Variants in FANCC observed in about 807,000 individuals in gnomAD.
FANCC encodes Fanconi anemia group C protein.
FANCC carries 55 observed loss-of-function variants against 71.3 expected under a neutral mutation model. The observed-to-expected ratio is 0.77, with a 90% confidence interval of 0.62 to 0.97. The LOEUF is 0.97. Ranked by LOEUF, FANCC falls within the 50% of genes least tolerant of loss-of-function variation. FANCC has a pLI of 0.00. For synonymous variants in FANCC, 275 were observed against 244.9 expected, an observed-to-expected ratio of 1.12 and a Z score of -1.15; for missense variants, 678 against 670.9, an observed-to-expected ratio of 1.01 and a Z score of -0.12.
chr9:95,166,598 T>G, intron 6 of FANCC, among the ~76,000 whole-genome samples: 1 of 152,330 alleles, frequency 6.6e-6, no homozygotes, highest in East Asian at 1.9e-4. Context: ...TTTTAAGTTC[T>G]ATACCAGAAT....
intron 4 of FANCC, among the ~76,000 whole-genome samples, chr9:95,204,467 C>G (rs1045958606): frequency 6.6e-6 from 1 of 152,190 alleles, no homozygotes; most frequent in South Asian, 2.1e-4. Context: ...CAACATGAGT[C>G]TGAAATGAGG....
At chr9:95,154,043 C>T (rs760794304) in intron 6 of FANCC, among the ~76,000 whole-genome samples, 33 of 151,918 alleles carry the variant, frequency 2.2e-4, no homozygotes, top group South Asian at 8.3e-4. Flanking sequence ...GTCAGGAGTA[C>T]GAGACCAGCC....
At chr9:95,191,520 C>T (rs1269010357) in intron 4 of FANCC, among the ~76,000 whole-genome samples, 1 of 151,770 alleles carries the variant, frequency 6.6e-6, no homozygotes, top group Non-Finnish European at 1.5e-5. Flanking sequence ...GGTGACCACA[C>T]CTTCCAAAAT....
rs4647513 is a variant in FANCC, at chr9:95,126,426, T to G, written c.896+103A>C. 2.8e-3 allele frequency: 3,206 copies of G among 1,147,150 alleles called. 65 individuals are homozygous for G. In the African/African-American group the frequency reaches 0.043, roughly 15 times the overall value. The allele number at this position is 1,147,150 out of a possible 1,614,324, so 71.1% of individuals were successfully genotyped here. The stretch of plus-strand genomic sequence containing the variant: ...ACAGGAGGGAATCAGAAACTCTAAT[T>G]TCCCCATGATACAGCCAGAGACTAC... On this transcript the variant is annotated intron_variant, in intron 9 of 14. Transcript: ENST00000289081.
chr9:95,160,452 C>T (rs1830678274), intron 6 of FANCC, among the ~76,000 whole-genome samples: 1 of 152,156 alleles, frequency 6.6e-6, no homozygotes, highest in African/African-American at 2.4e-5. Flanking sequence ...AGTTTGAAGT[C>T]AGGTAGCATG....
intron 4 of FANCC, among the ~76,000 whole-genome samples, chr9:95,202,333 G>C (rs1421490877): frequency 6.6e-6 from 1 of 152,170 alleles, no homozygotes; most frequent in Non-Finnish European, 1.5e-5. Context: ...AGCTTTTCTA[G>C]CACAGGTTAG....
At chr9:95,176,020 G>A (rs1025807200) in intron 4 of FANCC, among the ~76,000 whole-genome samples, 11 of 152,204 alleles carry the variant, frequency 7.2e-5, no homozygotes, top group African/African-American at 2.7e-4. Flanking sequence ...TCAGAAACCA[G>A]ACTTTTGCAT....
intron 1 of FANCC, among the ~76,000 whole-genome samples, chr9:95,287,430 A>G (rs906332180): frequency 3.3e-5 from 5 of 152,102 alleles, no homozygotes; most frequent in Non-Finnish European, 7.4e-5. Flanking sequence ...TCTCTATCCA[A>G]CATCATCCAT....
chr9:95,195,196 C>CAAAAAAAA (rs34771312), intron 4 of FANCC, among the ~76,000 whole-genome samples: 1 of 42,618 alleles, frequency 2.3e-5, no homozygotes. Context: ...GACTCCGTCT[C>CAAAAAAAA]AAAAAAAAAA....
At chr9:95,247,043 G>A (rs1357803013) in intron 3 of FANCC, among the ~76,000 whole-genome samples, 4 of 150,774 alleles carry the variant, frequency 2.7e-5, no homozygotes, top group Non-Finnish European at 4.4e-5. Flanking sequence ...TTATGAAACC[G>A]TGAAACAAAA....
chr9:95,160,790 AT>A (rs764369300), intron 6 of FANCC, among the ~76,000 whole-genome samples: 16 of 152,240 alleles, frequency 1.1e-4, no homozygotes, highest in South Asian at 2.1e-4. Flanking sequence ...CTTTGTAGCA[AT>A]TGTGAGTGGG....
At chr9:95,306,210 C>T (rs570499717) in intron 1 of FANCC, among the ~76,000 whole-genome samples, 1 of 152,270 alleles carries the variant, frequency 6.6e-6, no homozygotes, top group Admixed American at 6.5e-5. Context: ...AAGAACAGGA[C>T]AAAAACTTCC....
At chr9:95,301,893 C>CG (rs1427562697) in intron 1 of FANCC, among the ~76,000 whole-genome samples, 1 of 144,152 alleles carries the variant, frequency 6.9e-6, no homozygotes, top group Non-Finnish European at 1.5e-5. Flanking sequence ...CTGGCTAACA[C>CG]GGTGAAACCC....
chr9:95,231,438 G>A (rs896986434), intron 4 of FANCC, among the ~76,000 whole-genome samples: 4 of 149,706 alleles, frequency 2.7e-5, no homozygotes, highest in Admixed American at 6.7e-5. Context: ...GCAGGGAGGC[G>A]CCTGGCCCCT....
At chr9:95,312,067 T>C (rs943620939) in intron 1 of FANCC, among the ~76,000 whole-genome samples, 2 of 152,184 alleles carry the variant, frequency 1.3e-5, no homozygotes, top group African/African-American at 2.4e-5. Flanking sequence ...CTGACCCCAC[T>C]TTCCATGATA....
intron 4 of FANCC, among the ~76,000 whole-genome samples, chr9:95,176,405 TCTC>T (rs1588228841): frequency 6.6e-6 from 1 of 152,158 alleles, no homozygotes; most frequent in Non-Finnish European, 1.5e-5. Context: ...AGGCTTGACT[TCTC>T]CTTACAAGCC....
chr9:95,123,784 T>C, intron 10 of FANCC: 1 of 699,512 alleles, frequency 1.4e-6, no homozygotes, highest in Non-Finnish European at 2.7e-6. Context: ...GGAATCGATC[T>C]TGTGAAGCCC....
chr9:95,117,262 A>G (rs2072495144), intron 11 of FANCC, 53 bp downstream of exon 11: 1 of 1,519,142 alleles, frequency 6.6e-7, no homozygotes. Flanking sequence ...ATAATTTGAC[A>G]ATGCTCTTCC....
intron 4 of FANCC, among the ~76,000 whole-genome samples, chr9:95,205,966 G>C (rs1356896298): frequency 6.6e-6 from 1 of 152,138 alleles, no homozygotes; most frequent in Admixed American, 6.5e-5. Context: ...GACTTATAAT[G>C]AAAAGTTGCT....
Sources: gnomAD v4.1 joint callset for allele counts (sites outside exome capture counted in the v4.1 genomes callset) on GRCh38, gnomAD v4.1.1 for gene constraint, MANE v1.5 for transcripts, NCBI Gene and HGNC (gene_info 2026-07-23, HGNC 2026-07-21) for gene names.